The following FGF12 variants were observed in gnomAD, a reference collection of about 807,000 sequenced individuals.
FGF12 encodes fibroblast growth factor 12, also known as fibroblast growth factor 12B.
Under a neutral mutation model 23.6 loss-of-function variants are expected in FGF12, and 14 were observed. That is an observed-to-expected ratio of 0.59 (90% CI 0.39 to 0.93). The LOEUF is 0.93. Among genes scored for constraint, FGF12 ranks in the 40% least tolerant of loss-of-function variants. The pLI, the probability that FGF12 is intolerant of heterozygous loss-of-function variation, is 0.00. For missense variants in FGF12, 175 were observed against 217.8 expected, an observed-to-expected ratio of 0.80 and a Z score of 1.24; for synonymous variants, 62 against 77.3, an observed-to-expected ratio of 0.80 and a Z score of 1.04.
At chr3:192,664,759 C>T (rs1322314064) in intron 2 of FGF12, among the ~76,000 whole-genome samples, 3 of 151,890 alleles carry the variant, frequency 2.0e-5, no homozygotes, top group Admixed American at 1.3e-4. Context: ...AGTGAGACTC[C>T]GTCTCACAAC....
chr3:192,440,878 C>T (rs765667071), intron 2 of FGF12, among the ~76,000 whole-genome samples: 1 of 152,156 alleles, frequency 6.6e-6, no homozygotes, highest in Non-Finnish European at 1.5e-5. Context: ...ACTTAACTTG[C>T]AGTTTTACTT....
rs13088552 is a variant in FGF12, at chr3:192,726,953, G to C, written c.13+228C>G. The C allele has an allele frequency of 0.28, 163,936 of 583,964 alleles. 28,693 individuals are homozygous for C. Among genetic ancestry groups the C allele is most frequent in the African/African-American group, 0.61 (32,694 of 53,798 alleles). The allele number at this position is 583,964 out of a possible 1,614,324, so 36.2% of individuals were successfully genotyped here. ...ACCTCCCCCCAAAAAACTCATCACA[G>C]TTCACTACGCAACTGATGGAGTATT... On this transcript the variant is annotated intron_variant, in intron 2 of 5. Coordinates refer to ENST00000445105, the MANE Select transcript of FGF12 (RefSeq NM_004113.6).
intron 2 of FGF12, among the ~76,000 whole-genome samples, chr3:192,536,205 T>C (rs1725218723): frequency 6.6e-6 from 1 of 152,204 alleles, no homozygotes; most frequent in Admixed American, 6.5e-5. Context: ...TTCTGTGTTG[T>C]CTATGACTGT....
At chr3:192,390,951 C>T (rs1353344281) in intron 2 of FGF12, among the ~76,000 whole-genome samples, 1 of 152,180 alleles carries the variant, frequency 6.6e-6, no homozygotes, top group Non-Finnish European at 1.5e-5. Context: ...ATTGCATTTG[C>T]GTTCCCAGTG....
intron 2 of FGF12, among the ~76,000 whole-genome samples, chr3:192,537,409 A>G (rs1027790610): frequency 1.3e-5 from 2 of 152,150 alleles, no homozygotes; most frequent in Non-Finnish European, 2.9e-5. Flanking sequence ...ACTAATTTAC[A>G]TTCCCACCAA....
chr3:192,623,520 T>C (rs889043122), intron 2 of FGF12, among the ~76,000 whole-genome samples: 2 of 152,222 alleles, frequency 1.3e-5, no homozygotes, highest in African/African-American at 4.8e-5. Flanking sequence ...GTTTTGTACA[T>C]AGTCCCTGGT....
intron 2 of FGF12, among the ~76,000 whole-genome samples, chr3:192,635,751 T>A (rs556352929): frequency 1.3e-5 from 2 of 152,158 alleles, no homozygotes; most frequent in Admixed American, 1.3e-4. Flanking sequence ...GAAGTAGAGG[T>A]CCATCCTTTT....
At chr3:192,311,659 A>G (rs1715945032) in intron 4 of FGF12, among the ~76,000 whole-genome samples, 2 of 152,336 alleles carry the variant, frequency 1.3e-5, no homozygotes, top group Admixed American at 6.5e-5. Context: ...TTGGGTACAC[A>G]TCTAGCCGTG....
At chr3:192,244,934 C>CGA (rs1292478497) in intron 4 of FGF12, 7 of 152,184 alleles carry the variant, frequency 4.6e-5, no homozygotes, top group African/African-American at 1.7e-4. Flanking sequence ...GATTCTATCT[C>CGA]CCAAGCATGC....
intron 2 of FGF12, among the ~76,000 whole-genome samples, chr3:192,692,026 A>G (rs986435290): frequency 6.6e-6 from 1 of 152,000 alleles, no homozygotes; most frequent in African/African-American, 2.4e-5. Context: ...GTAATTAAAA[A>G]CCTCTCAACA....
At chr3:192,453,435 A>G (rs1722584735) in intron 2 of FGF12, among the ~76,000 whole-genome samples, 1 of 152,020 alleles carries the variant, frequency 6.6e-6, no homozygotes, top group Non-Finnish European at 1.5e-5. Context: ...GTCATTAAGA[A>G]TGCCCCCCCC....
intron 2 of FGF12, among the ~76,000 whole-genome samples, chr3:192,630,748 C>T (rs1279007248): frequency 2.0e-5 from 3 of 150,936 alleles, no homozygotes; most frequent in Admixed American, 2.0e-4. Context: ...TTAGTAGAGA[C>T]GGGGTTTCAC....
intron 2 of FGF12, among the ~76,000 whole-genome samples, chr3:192,533,652 C>T (rs971984759): frequency 6.6e-6 from 1 of 152,084 alleles, no homozygotes; most frequent in Non-Finnish European, 1.5e-5. Context: ...ACTTTTGAGC[C>T]TCTGTTCATT....
At chr3:192,207,647 A>G (rs1383479009) in intron 4 of FGF12, among the ~76,000 whole-genome samples, 1 of 152,230 alleles carries the variant, frequency 6.6e-6, no homozygotes, top group East Asian at 1.9e-4. Flanking sequence ...GTGAAGGGTC[A>G]TCGATACTTT....
At chr3:192,328,014 A>G (rs150690838) in intron 4 of FGF12, among the ~76,000 whole-genome samples, 28 of 152,360 alleles carry the variant, frequency 1.8e-4, no homozygotes, top group Non-Finnish European at 3.8e-4. Context: ...AAGTGCTGAT[A>G]TGCCAGATAT....
chr3:192,298,589 C>T (rs1270604163), intron 4 of FGF12, among the ~76,000 whole-genome samples: 2 of 152,106 alleles, frequency 1.3e-5, no homozygotes, highest in Non-Finnish European at 2.9e-5. Flanking sequence ...TCCATCTCTA[C>T]TAAAAATACA....
At chr3:192,410,327 C>T (rs530392284) in intron 2 of FGF12, among the ~76,000 whole-genome samples, 49 of 151,812 alleles carry the variant, frequency 3.2e-4, no homozygotes, top group Admixed American at 2.1e-3. Context: ...CTCCTCTCTA[C>T]GCAATCCTAC....
At chr3:192,289,409 G>A (rs73193535) in intron 4 of FGF12, among the ~76,000 whole-genome samples, 4,651 of 152,216 alleles carry the variant, frequency 0.031, 102 homozygotes, top group Middle Eastern at 0.088. Context: ...ACAGGATAGC[G>A]TCTCAGCTTT....
intron 4 of FGF12, among the ~76,000 whole-genome samples, chr3:192,304,327 G>C (rs888618075): frequency 1.3e-5 from 2 of 152,076 alleles, no homozygotes; most frequent in Non-Finnish European, 2.9e-5. Flanking sequence ...TACTTTTGCT[G>C]TCTCCTCCTG....
Sources: allele counts gnomAD v4.1 joint callset (sites outside exome capture counted in the v4.1 genomes callset), GRCh38; gene constraint gnomAD v4.1.1; transcripts MANE v1.5; gene names NCBI Gene and HGNC (gene_info 2026-07-23, HGNC 2026-07-21).